The following WEE2 variants were observed in gnomAD, a reference collection of about 807,000 sequenced individuals.
WEE2 encodes the protein wee1-like protein kinase 2.
A neutral mutation model predicts 60.1 loss-of-function variants in WEE2; 50 were observed. The ratio of observed to expected loss-of-function variants is 0.83; its 90% confidence interval spans 0.66 to 1.05. The LOEUF is 1.05. Ranked by LOEUF, WEE2 falls within the 50% of genes least tolerant of loss-of-function variation. The pLI is 0.00. For missense variants in WEE2, 631 were observed against 684.3 expected (o/e 0.92, Z 0.87); for synonymous variants, 240 against 241.0 (o/e 1.00, Z 0.04).
intron 4 of WEE2, among the ~76,000 whole-genome samples, chr7:141,720,346 C>T (rs1466800350): frequency 1.3e-5 from 2 of 151,856 alleles, no homozygotes; most frequent in Non-Finnish European, 2.9e-5. Context: ...TACTGAGATT[C>T]ATCAAGTACT....
chr7:141,709,029 TG>T lies in WEE2; in HGVS notation c.272del (p.Cys91PhefsTer27), dbSNP rs1396009851. ...LRTPVSHPLKCPETPAQPDSR... is the reference protein window; with the variant it reads ...LRTPVSHPLKXPETPAQPDSR... ...GACTCCAGTGTCACACCCTCTCAAA[TG>T]TCCTGAGACACCAGCCCAACCAGAC... On this transcript the variant is annotated frameshift_variant, in exon 1 of 12. Coordinates refer to ENST00000397541, the MANE Select transcript of WEE2 (RefSeq NM_001105558.1). LOFTEE classifies it high-confidence loss of function. The T allele has an allele frequency of 1.2e-6, 2 of 1,614,112 alleles. No homozygotes were observed. Among genetic ancestry groups the T allele is most frequent in the Non-Finnish European group, 8.5e-7 (1 of 1,180,014 alleles).
chr7:141,720,183 T>TCTAG (rs1362859386), intron 4 of WEE2, among the ~76,000 whole-genome samples: 2 of 129,328 alleles, frequency 1.5e-5, no homozygotes, highest in East Asian at 5.3e-4. Context: ...TGAGATGGAA[T>TCTAG]CTAGCTCTGT....
At chr7:141,723,855 C>G in intron 6 of WEE2, 86 bp from the exon 7 acceptor site, 1 of 882,080 alleles carries the variant, frequency 1.1e-6, no homozygotes, top group Non-Finnish European at 1.7e-6. Flanking sequence ...AGGAGAGAAG[C>G]TGAATTGTCA....
chr7:141,721,173 G>A (rs764110973), intron 5 of WEE2, 117 bp downstream of exon 5: 37 of 1,229,786 alleles, frequency 3.0e-5, no homozygotes, highest in Non-Finnish European at 4.2e-5. Flanking sequence ...TACCTAAAAA[G>A]TCTGTACTAT....
chr7:141,719,226 T>C lies in WEE2; in HGVS notation c.740T>C (p.Phe247Ser). The C allele has an allele frequency of 1.2e-6, 2 of 1,608,800 alleles. No homozygotes were observed. The highest frequency in any genetic ancestry group is 1.7e-6 in the Non-Finnish European group (2 of 1,177,476). The change falls in exon 4 of 12, where the codon TTT (phenylalanine) becomes TCT (serine). Residue 247 changes from phenylalanine to serine, a missense_variant. Physicochemically the swap from Phe to Ser is radical, Grantham distance 155. Transcript: ENST00000397541. ...GCAATAAAGCGCTCTATGAAAACTT[T>C]TACAGAATTATCAAATGAGTGAGTA... ...VYAIKRSMKTFTELSNENSAL... is the reference protein window; with the variant it reads ...VYAIKRSMKTSTELSNENSAL...
At position 141,725,036 on chromosome 7, in the gene WEE2, A is replaced by G. The variant is rs1798986514; in HGVS notation, c.1232A>G (p.His411Arg). 6.2e-7 allele frequency: 1 copy of G among 1,613,660 alleles called. No individual in the cohort carries two copies. Among genetic ancestry groups the G allele is most frequent in the East Asian group, 2.2e-5 (1 of 44,858 alleles). The change falls in exon 9 of 12, where the codon CAC becomes CGC. Residue 411 changes from histidine to arginine, a missense_variant. By Grantham distance (29) the His-to-Arg change is conservative. Transcript: ENST00000397541. Reference protein sequence around the residue: ...ANEILQEDYRHLPKADIFALG... With the variant: ...ANEILQEDYRRLPKADIFALG... ...TCTTCTGTTTTGAAGGATTACCGGC[A>G]CCTTCCCAAAGCAGACATATTTGCC...
chr7:141,729,140 C>T (rs2117128118), intron 10 of WEE2, among the ~76,000 whole-genome samples: 1 of 152,312 alleles, frequency 6.6e-6, no homozygotes, highest in South Asian at 2.1e-4. Context: ...GCTGTTTTTA[C>T]ACTATAAATG....
At chr7:141,715,559 A>C (rs1258667225) in intron 2 of WEE2, among the ~76,000 whole-genome samples, 1 of 152,230 alleles carries the variant, frequency 6.6e-6, no homozygotes, top group Non-Finnish European at 1.5e-5. Flanking sequence ...GATCCAGAAT[A>C]CAAGTATGCA....
At chr7:141,727,703 A>G in intron 10 of WEE2, 1 of 416,378 alleles carries the variant, frequency 2.4e-6, no homozygotes, top group Non-Finnish European at 4.2e-6. Flanking sequence ...AATATAAGGA[A>G]ATACCAGTAA....
chr7:141,723,053 A>G, intron 5 of WEE2, 81 bp from the exon 6 acceptor site: 2 of 1,559,514 alleles, frequency 1.3e-6, no homozygotes, highest in East Asian at 4.5e-5. Context: ...TACCCTGAAG[A>G]TATAGGAGGC....
chr7:141,712,291 T>C (rs892278834), intron 1 of WEE2, among the ~76,000 whole-genome samples: 1 of 152,208 alleles, frequency 6.6e-6, no homozygotes, highest in Non-Finnish European at 1.5e-5. Context: ...CCCAAGATAC[T>C]ATGTTTGTGT....
intron 5 of WEE2, among the ~76,000 whole-genome samples, chr7:141,721,930 G>C (rs879665366): frequency 6.6e-6 from 1 of 152,122 alleles, no homozygotes; most frequent in Non-Finnish European, 1.5e-5. Context: ...TCTCCCTTCT[G>C]AACTTACATG....
chr7:141,716,128 T>C, intron 2 of WEE2, 94 bp from the exon 3 acceptor site: 1 of 1,064,252 alleles, frequency 9.4e-7, no homozygotes, highest in Non-Finnish European at 1.4e-6. Flanking sequence ...AGAAATGAAT[T>C]GTCTTATTTA....
intron 2 of WEE2, 110 bp from the exon 3 acceptor site, chr7:141,716,112 C>A: frequency 1.1e-6 from 1 of 936,588 alleles, no homozygotes. Context: ...CACATATAAA[C>A]CGAAGAGAAA....
chr7:141,730,070 C>G (rs1312913181), intron 11 of WEE2, among the ~76,000 whole-genome samples: 1 of 151,740 alleles, frequency 6.6e-6, no homozygotes, highest in Non-Finnish European at 1.5e-5. Context: ...ATCAGCTGTC[C>G]CAACCTTCCT....
chr7:141,727,363 A>G lies in WEE2; in HGVS notation c.1452A>G (p.Thr484=), dbSNP rs1799035982. The G allele has an allele frequency of 3.1e-6, 5 of 1,614,074 alleles. No individual in the cohort carries two copies. Among genetic ancestry groups the G allele is most frequent in the Admixed American group, 1.7e-5 (1 of 59,994 alleles). ...CTGCAGCAGCTCTGGCCAGAAATACAGTTCTCCGGCCTTCCCTGGGAAAAA... is the reference window on the plus strand; with the variant it reads ...CTGCAGCAGCTCTGGCCAGAAATACGGTTCTCCGGCCTTCCCTGGGAAAAA... ...RPSAAALARN[T]VLRPSLGKTE... Residue 484 remains threonine, a synonymous_variant, in exon 10 of 12, where the codon ACA becomes ACG. Transcript: ENST00000397541.
chr7:141,708,884 G>C lies in WEE2; in HGVS notation c.126G>C (p.Glu42Asp). 3 of 1,614,188 alleles carry C rather than the reference G, an allele frequency of 1.9e-6. No homozygotes were observed. The highest frequency in any genetic ancestry group is 2.5e-6 in the Non-Finnish European group (3 of 1,180,026). ...GGGAGGCTTCGAGCCAAACCCCAGA[G>C]AAGGGTGAAGTGCAGGATTCAGAGG... ...ESREASSQTP[E>D]KGEVQDSEAK... Residue 42 changes from glutamate (E) to aspartate (D), a missense_variant, in exon 1 of 12, where the codon GAG (glutamate) becomes GAC (aspartate). Glu to Asp is a conservative substitution (Grantham distance 45). Coordinates refer to ENST00000397541, the MANE Select transcript of WEE2 (RefSeq NM_001105558.1).
chr7:141,729,807 T>C (rs951253353), intron 11 of WEE2, 134 bp downstream of exon 11: 41 of 1,027,332 alleles, frequency 4.0e-5, no homozygotes, highest in Non-Finnish European at 5.4e-5. Flanking sequence ...GCTAACACGG[T>C]GAAACCCCAT....
In WEE2 at chr7:141,730,463, A is replaced by G. The variant is rs948829344; in HGVS notation, c.*143A>G. The G allele has an allele frequency of 4.3e-6, 3 of 696,926 alleles. No individual in the cohort carries two copies. Among genetic ancestry groups the G allele is most frequent in the African/African-American group, 1.8e-5 (1 of 54,694 alleles). 43.2% of individuals were successfully genotyped at this position (696,926 alleles called of 1,614,324 possible). A position where few individuals can be genotyped will look rare whatever the true frequency, so the allele number is the denominator to read the frequency against. On this transcript the variant is annotated 3_prime_UTR_variant, in exon 12 of 12. Coordinates refer to ENST00000397541, the MANE Select transcript of WEE2 (RefSeq NM_001105558.1). ...AGAGTTGAAGTCACAGCTTACAGAAAATGTGCCTGGATTTCCACAGCGCTT... is the reference window on the plus strand; with the variant it reads ...AGAGTTGAAGTCACAGCTTACAGAAGATGTGCCTGGATTTCCACAGCGCTT...
Sources: gnomAD v4.1 joint callset for allele counts (sites outside exome capture counted in the v4.1 genomes callset) on GRCh38, gnomAD v4.1.1 for gene constraint, MANE v1.5 for transcripts, NCBI Gene and HGNC (gene_info 2026-07-23, HGNC 2026-07-21) for gene names.